AGBL4: variants seen among roughly 807,000 people sequenced by gnomAD.
AGBL4 encodes the protein cytosolic carboxypeptidase 6.
Under a neutral mutation model 66.4 loss-of-function variants are expected in AGBL4, and 58 were observed. That is an observed-to-expected ratio of 0.87 (90% CI 0.71 to 1.09). The LOEUF is 1.09. Ranked by LOEUF, AGBL4 falls within the 50% of genes least tolerant of loss-of-function variation. The pLI, the probability that AGBL4 is intolerant of heterozygous loss-of-function variation, is 0.00. For missense variants in AGBL4, 579 were observed against 631.0 expected, an observed-to-expected ratio of 0.92 and a Z score of 0.88; for synonymous variants, 234 against 222.9, an observed-to-expected ratio of 1.05 and a Z score of -0.44.
At chr1:48,870,601 C>T (rs1289941463) in intron 5 of AGBL4, among the ~76,000 whole-genome samples, 1 of 152,146 alleles carries the variant, frequency 6.6e-6, no homozygotes. Context: ...GATTTTGCTC[C>T]TGCCATGTCT....
intron 1 of AGBL4, among the ~76,000 whole-genome samples, chr1:49,915,046 C>T (rs1183017644): frequency 6.6e-6 from 1 of 152,102 alleles, no homozygotes; most frequent in African/African-American, 2.4e-5. Flanking sequence ...AACCATAACA[C>T]TGAATAAAGA....
chr1:49,085,050 G>A (rs187164948), intron 4 of AGBL4, among the ~76,000 whole-genome samples: 5 of 152,144 alleles, frequency 3.3e-5, no homozygotes, highest in Admixed American at 2.6e-4. Flanking sequence ...ATTTGTCAGG[G>A]TATTTTCATA....
At chr1:49,691,580 C>T (rs760300975) in intron 3 of AGBL4, 2 of 152,156 alleles carry the variant, frequency 1.3e-5, no homozygotes, top group Non-Finnish European at 2.9e-5. Flanking sequence ...TCCCTATTGT[C>T]TACCAAACAC....
At chr1:48,976,976 C>T (rs1196269476) in intron 5 of AGBL4, among the ~76,000 whole-genome samples, 1 of 152,080 alleles carries the variant, frequency 6.6e-6, no homozygotes, top group African/African-American at 2.4e-5. Context: ...GAAAGTATCC[C>T]TATGAACCCA....
chr1:48,635,824 G>T (rs955128181), intron 8 of AGBL4, among the ~76,000 whole-genome samples: 1 of 152,326 alleles, frequency 6.6e-6, no homozygotes, highest in Middle Eastern at 3.4e-3. Flanking sequence ...GCTCTAAACA[G>T]AGGGGATCAC....
intron 1 of AGBL4, among the ~76,000 whole-genome samples, chr1:49,993,516 A>G (rs139299693): frequency 3.9e-5 from 6 of 152,194 alleles, no homozygotes; most frequent in African/African-American, 1.4e-4. Flanking sequence ...TACCCAGAAT[A>G]CCCTTTTCCT....
intron 3 of AGBL4, among the ~76,000 whole-genome samples, chr1:49,611,100 C>T (rs1645146213): frequency 6.6e-6 from 1 of 152,032 alleles, no homozygotes; most frequent in Non-Finnish European, 1.5e-5. Context: ...GAGTAGTTAC[C>T]AAAACCTGGA....
At chr1:49,785,491 T>A (rs899630095) in intron 2 of AGBL4, among the ~76,000 whole-genome samples, 2 of 152,072 alleles carry the variant, frequency 1.3e-5, no homozygotes, top group Admixed American at 6.5e-5. Context: ...AGAAATTTTT[T>A]AAATCATTTA....
intron 3 of AGBL4, among the ~76,000 whole-genome samples, chr1:49,553,269 C>T (rs1026893438): frequency 7.9e-5 from 12 of 152,166 alleles, no homozygotes; most frequent in African/African-American, 2.9e-4. Flanking sequence ...TAATACATCT[C>T]TCTGTTCTTT....
In AGBL4 at chr1:49,846,426, T is replaced by C. The variant is rs1226117134; in HGVS notation, c.157+4970A>G. On this transcript the variant is annotated intron_variant, in intron 2 of 13. Transcript: ENST00000371839. Reference sequence around the variant, plus strand: ...ACCCACTCCACATGTGCTGGGGACATAGGAAGACCTTAAGACATAGCTCAT... The same window carrying C: ...ACCCACTCCACATGTGCTGGGGACACAGGAAGACCTTAAGACATAGCTCAT... 20 of 1,477,174 alleles carry C rather than the reference T, an allele frequency of 1.4e-5. No individual in the cohort carries two copies. The Admixed American group carries it at 2.4e-4, about 18-fold the overall frequency. The allele number at this position is 1,477,174 out of a possible 1,614,324, so 91.5% of individuals were successfully genotyped here. A position where few individuals can be genotyped will look rare whatever the true frequency, so the allele number is the denominator to read the frequency against.
chr1:49,047,393 A>G (rs1449065173), intron 4 of AGBL4, among the ~76,000 whole-genome samples: 1 of 152,144 alleles, frequency 6.6e-6, no homozygotes, highest in Admixed American at 6.6e-5. Context: ...AGGTTGTTTA[A>G]AGGTGTTTGG....
chr1:49,818,635 G>A (rs534248542), intron 2 of AGBL4, among the ~76,000 whole-genome samples: 1 of 152,048 alleles, frequency 6.6e-6, no homozygotes, highest in East Asian at 1.9e-4. Flanking sequence ...CCAGAGTGCT[G>A]CGATAATCAC....
At chr1:49,896,608 AACACACAC>A (rs58132063) in intron 1 of AGBL4, among the ~76,000 whole-genome samples, 15,885 of 133,692 alleles carry the variant, frequency 0.12, 1,146 homozygotes, top group African/African-American at 0.2. Context: ...GACCCATGAA[AACACACAC>A]ACACACACAC....
intron 2 of AGBL4, among the ~76,000 whole-genome samples, chr1:49,848,497 A>T (rs973475853): frequency 6.6e-6 from 1 of 152,220 alleles, no homozygotes; most frequent in Non-Finnish European, 1.5e-5. Context: ...AAAGAATTAA[A>T]TCATATCTTT....
chr1:48,996,834 C>T (rs1661043605), intron 5 of AGBL4, among the ~76,000 whole-genome samples: 1 of 151,546 alleles, frequency 6.6e-6, no homozygotes, highest in Admixed American at 6.6e-5. Flanking sequence ...TTCCTTCCTT[C>T]CTTCCTTCCT....
intron 6 of AGBL4, among the ~76,000 whole-genome samples, chr1:48,788,649 T>A (rs1645465494): frequency 6.6e-6 from 1 of 152,254 alleles, no homozygotes. Context: ...GGTTCTCTTT[T>A]TGTCTCCTTG....
At position 49,605,484 on chromosome 1, in the gene AGBL4, A is replaced by G. The variant is rs553067112; in HGVS notation, c.282+91829T>C. Among the ~76,000 whole-genome samples the G allele has an allele frequency of 1.1e-3, 171 of 152,294 alleles. 1 individual carries two copies. Among genetic ancestry groups the G allele is most frequent in the African/African-American group, 4.0e-3 (167 of 41,566 alleles). On this transcript the variant is annotated intron_variant, in intron 3 of 13. Coordinates refer to ENST00000371839, the MANE Select transcript of AGBL4 (RefSeq NM_032785.4). ...ATTCAAAGAAGCACAACATTTAATT[A>G]AGGAAAACATTAGATCAATTAAGAC...
intron 5 of AGBL4, among the ~76,000 whole-genome samples, chr1:48,894,517 T>C (rs1231146589): frequency 1.3e-5 from 2 of 152,180 alleles, no homozygotes; most frequent in African/African-American, 4.8e-5. Context: ...ATACATTATG[T>C]GCATTAATAC....
chr1:49,331,022 G>A (rs1645322493), intron 3 of AGBL4, among the ~76,000 whole-genome samples: 2 of 152,076 alleles, frequency 1.3e-5, no homozygotes, highest in African/African-American at 2.4e-5. Flanking sequence ...GTGACCCCAG[G>A]AAACTATGCT....
Sources: gnomAD v4.1 joint callset for allele counts (sites outside exome capture counted in the v4.1 genomes callset) on GRCh38, gnomAD v4.1.1 for gene constraint, MANE v1.5 for transcripts, NCBI Gene and HGNC (gene_info 2026-07-23, HGNC 2026-07-21) for gene names.